The following MYO18B variants were observed in gnomAD, a reference collection of about 807,000 sequenced individuals.
MYO18B encodes myosin XVIIIB.
MYO18B carries 204 observed loss-of-function variants against 273.0 expected under a neutral mutation model. The observed-to-expected ratio is 0.75, with a 90% confidence interval of 0.67 to 0.84. The LOEUF is 0.84. MYO18B is among the 40% of genes least tolerant of loss of function. The pLI, the probability that MYO18B is intolerant of heterozygous loss-of-function variation, is 0.00. For synonymous variants in MYO18B, 1,330 were observed against 1,305.7 expected (o/e 1.02, Z -0.40); for missense variants, 3,212 against 3,287.6 (o/e 0.98, Z 0.56).
chr22:25,937,815 C>G (rs371423430), intron 34 of MYO18B, among the ~76,000 whole-genome samples: 53 of 152,222 alleles, frequency 3.5e-4, no homozygotes, highest in African/African-American at 1.2e-3. Context: ...GAACTCCTGA[C>G]CTCAGGTGAT....
intron 34 of MYO18B, among the ~76,000 whole-genome samples, chr22:25,934,737 G>T (rs2092554971): frequency 6.6e-6 from 1 of 152,164 alleles, no homozygotes; most frequent in Non-Finnish European, 1.5e-5. Flanking sequence ...TTGAGTTTCT[G>T]ATAAGCCTTT....
chr22:25,833,806 C>T (rs906778445), intron 16 of MYO18B, among the ~76,000 whole-genome samples: 4 of 152,194 alleles, frequency 2.6e-5, no homozygotes, highest in Admixed American at 1.3e-4. Context: ...GGTGCCCTGC[C>T]GGTGGCATCT....
intron 34 of MYO18B, among the ~76,000 whole-genome samples, chr22:25,941,427 C>G (rs1283848305): frequency 6.6e-6 from 1 of 152,350 alleles, no homozygotes; most frequent in Middle Eastern, 3.4e-3. Context: ...TTACTACCCA[C>G]TGCTCTCTGA....
chr22:25,886,738 G>A (rs1265902825), intron 25 of MYO18B, among the ~76,000 whole-genome samples: 1 of 152,194 alleles, frequency 6.6e-6, no homozygotes, highest in East Asian at 1.9e-4. Context: ...GAAAGGGTCA[G>A]ATGGTAGATG....
At chr22:25,984,462 G>T (rs2093180090) in intron 39 of MYO18B, among the ~76,000 whole-genome samples, 1 of 152,158 alleles carries the variant, frequency 6.6e-6, no homozygotes, top group Non-Finnish European at 1.5e-5. Context: ...TTGAGGATTT[G>T]AATACCATTT....
intron 39 of MYO18B, among the ~76,000 whole-genome samples, chr22:25,982,505 A>G (rs2093159521): frequency 6.6e-6 from 1 of 152,228 alleles, no homozygotes; most frequent in Non-Finnish European, 1.5e-5. Flanking sequence ...GATGTCCAAG[A>G]TGAGTCCAAA....
At position 25,770,856 on chromosome 22, in the gene MYO18B, T is replaced by A; in HGVS notation, c.1580-16T>A. 1 of 1,541,636 alleles carries A rather than the reference T, an allele frequency of 6.5e-7. No homozygotes were observed. Among genetic ancestry groups the A allele is most frequent in the Non-Finnish European group, 8.8e-7 (1 of 1,137,726 alleles). On this transcript the variant is annotated splice_polypyrimidine_tract_variant and intron_variant, in intron 5 of 43. Transcript: ENST00000335473. The stretch of plus-strand genomic sequence containing the variant: ...CTCCTCCCCGTTCCCCTTCTCTCTC[T>A]GGGATGTCCAACCAGCTACGGTGCT...
chr22:26,047,173 C>G, the MYO18B span, among the ~76,000 whole-genome samples: 3 of 148,298 alleles, frequency 2.0e-5, no homozygotes, highest in Non-Finnish European at 4.4e-5. Flanking sequence ...GTCACCCAGG[C>G]TGGAGTGTAG....
intron 12 of MYO18B, among the ~76,000 whole-genome samples, chr22:25,821,823 A>T (rs1262534731): frequency 6.6e-6 from 1 of 152,158 alleles, no homozygotes; most frequent in Non-Finnish European, 1.5e-5. Flanking sequence ...GAAGTCATTT[A>T]TTTTTCTATG....
chr22:25,841,988 G>C (rs2269633), intron 17 of MYO18B, among the ~76,000 whole-genome samples: 13,421 of 152,204 alleles, frequency 0.088, 787 homozygotes, highest in East Asian at 0.23. Flanking sequence ...CTCTGAAAGC[G>C]TCACAGGACA....
intron 33 of MYO18B, among the ~76,000 whole-genome samples, chr22:25,912,769 C>A (rs2092182604): frequency 6.6e-6 from 1 of 152,142 alleles, no homozygotes; most frequent in African/African-American, 2.4e-5. Context: ...CCTGGCTCTG[C>A]TTTTCTCTTT....
downstream of MYO18B, among the ~76,000 whole-genome samples, chr22:26,035,887 A>G (rs1389806034): frequency 6.6e-6 from 1 of 152,228 alleles, no homozygotes; most frequent in Non-Finnish European, 1.5e-5. Flanking sequence ...AGGAGGCTCA[A>G]AGGTCAATTT....
At chr22:25,758,940 G>C (rs1412683975) in intron 1 of MYO18B, among the ~76,000 whole-genome samples, 1 of 152,094 alleles carries the variant, frequency 6.6e-6, no homozygotes, top group African/African-American at 2.4e-5. Flanking sequence ...ATTTTTAGTA[G>C]AGACGGAGTT....
intron 21 of MYO18B, among the ~76,000 whole-genome samples, chr22:25,865,948 T>C (rs1461454318): frequency 3.3e-5 from 5 of 152,174 alleles, no homozygotes; most frequent in African/African-American, 1.2e-4. Context: ...CCTTGGAACA[T>C]GTTTGGCTAA....
chr22:25,890,887 G>T lies in MYO18B; in HGVS notation c.4434+12G>T. ...TCCAGGAGCTCAAGGTGAGTGGTCAGGGGTGGCCAGGGGTGGCTGAACACG... is the reference window on the plus strand; with the variant it reads ...TCCAGGAGCTCAAGGTGAGTGGTCATGGGTGGCCAGGGGTGGCTGAACACG... On this transcript the variant is annotated intron_variant, in intron 26 of 43. Coordinates refer to ENST00000335473, the MANE Select transcript of MYO18B (RefSeq NM_032608.7). 2 of 1,499,656 alleles carry T rather than the reference G, an allele frequency of 1.3e-6. No individual in the cohort carries two copies. Among genetic ancestry groups the T allele is most frequent in the Non-Finnish European group, 1.8e-6 (2 of 1,091,036 alleles). 92.9% of individuals were successfully genotyped at this position (1,499,656 alleles called of 1,614,324 possible).
intron 43 of MYO18B, among the ~76,000 whole-genome samples, chr22:26,029,722 C>T (rs567973966): frequency 1.6e-4 from 25 of 152,250 alleles, no homozygotes; most frequent in South Asian, 6.2e-4. Flanking sequence ...AACAAGACCC[C>T]CCAAAGCTCA....
chr22:26,041,436 G>T, the MYO18B span, among the ~76,000 whole-genome samples: 1 of 151,954 alleles, frequency 6.6e-6, no homozygotes, highest in Non-Finnish European at 1.5e-5. Flanking sequence ...GGAGGCTGAG[G>T]CAGGAGAATT....
intron 40 of MYO18B, among the ~76,000 whole-genome samples, chr22:25,993,376 C>A (rs891207293): frequency 1.3e-5 from 2 of 152,178 alleles, no homozygotes; most frequent in African/African-American, 4.8e-5. Context: ...AAGACACTTT[C>A]CTTACACAGC....
chr22:25,895,153 C>T lies in MYO18B; in HGVS notation c.4544-3C>T, dbSNP rs141005300. 2,995 of 1,612,674 alleles carry T rather than the reference C, an allele frequency of 1.9e-3. 46 individuals carry two copies. The highest frequency in any genetic ancestry group is 3.0e-4 in the Non-Finnish European group (349 of 1,179,312). On this transcript the variant is annotated splice_region_variant and splice_polypyrimidine_tract_variant and intron_variant, in intron 27 of 43. Coordinates refer to ENST00000335473, the MANE Select transcript of MYO18B (RefSeq NM_032608.7). ...TCCTGGTCTCCCTGACTCCGTTAAA[C>T]AGCAGACGAGTGGCAGATGCGCTTC...
Sources: allele counts gnomAD v4.1 joint callset (sites outside exome capture counted in the v4.1 genomes callset), GRCh38; gene constraint gnomAD v4.1.1; transcripts MANE v1.5; gene names NCBI Gene and HGNC (gene_info 2026-07-23, HGNC 2026-07-21).